ICAM3: variants seen among roughly 807,000 people sequenced by gnomAD.
ICAM3 encodes ICAM-3.
A neutral mutation model predicts 43.6 loss-of-function variants in ICAM3; 54 were observed. The ratio of observed to expected loss-of-function variants is 1.24; its 90% CI spans 0.99 to 1.55. The LOEUF is 1.55. ICAM3 is among the 40% of genes most tolerant of loss of function. ICAM3 has a pLI of 0.00. For synonymous variants in ICAM3, 306 were observed against 312.6 expected, an observed-to-expected ratio of 0.98 and a Z score of 0.22; for missense variants, 715 against 717.9, an observed-to-expected ratio of 1.00 and a Z score of 0.05.
rs1568315878 is a variant in ICAM3 at position 10,334,047 on chromosome 19, T to C, written c.1454A>G (p.His485Arg). 1 of 1,614,006 alleles carries C rather than the reference T, an allele frequency of 6.2e-7. No homozygotes were observed. The highest frequency in any genetic ancestry group is 2.2e-5 in the East Asian group (1 of 44,868). The change falls in exon 7 of 7, where the codon CAC (histidine) becomes CGC (arginine). Residue 485 changes from histidine (H) to arginine (R), a missense_variant. His to Arg is a conservative substitution (Grantham distance 29). Transcript: ENST00000160262. This position sits in a 1 kb window ranked among gnomAD's most constrained non-coding sequence, Gnocchi z 5.5. ...VVMDIEAGSS[H>R]FVPVFVAVLL... is the part of the protein sequence containing the mutation. ...CACCGCCACGAAGACGGGGACAAAG[T>C]GGGAGCTCCCAGCTGTGCAGAGAAA...
chr19:10,339,460 G>A (rs1162846577), intron 1 of ICAM3, 79 bp downstream of exon 1: 22 of 1,210,762 alleles, frequency 1.8e-5, no homozygotes, highest in Admixed American at 3.9e-5. Context: ...TGTGAACAGC[G>A]TTGCGTTCTA....
chr19:10,336,804 CAAAAAAAAAA>C (rs34119863), intron 2 of ICAM3, among the ~76,000 whole-genome samples: 7 of 79,002 alleles, frequency 8.9e-5, no homozygotes, highest in East Asian at 4.4e-4. Flanking sequence ...GACTCTATGT[CAAAAAAAAAA>C]AAAAAAAAAA....
At position 10,335,868 on chromosome 19, in the gene ICAM3, G is replaced by A; in HGVS notation, c.452C>T (p.Thr151Met). 1.2e-6 allele frequency: 2 copies of A among 1,609,048 alleles called. No individual in the cohort carries two copies. Among genetic ancestry groups the A allele is most frequent in the African/African-American group, 1.3e-5 (1 of 75,058 alleles). The stretch of plus-strand genomic sequence containing the variant: ...CTCCTCCCAGCGAAGCAGCACCACC[G>A]TGAGGCTGGTCCGGGGCGACCCATC... ...VEDGSPRTSL[T>M]VVLLRWEEEL... The change falls in exon 3 of 7, where the codon ACG (threonine) becomes ATG (methionine). Residue 151 changes from threonine to methionine, a missense_variant. Transcript: ENST00000160262.
At position 10,338,857 on chromosome 19, in the gene ICAM3, A is replaced by C; in HGVS notation, c.168T>G (p.Asp56Glu). The change falls in exon 2 of 7, where the codon GAT (aspartate) becomes GAG (glutamate). Residue 56 changes from aspartate (D) to glutamate (E), a missense_variant. Transcript: ENST00000160262. ...GGSLFVNCST[D>E]CPSSEKIALE... is the part of the protein sequence containing the mutation. ...AGGCGATTTTCTCAGAGCTGGGACA[A>C]TCAGTACTGCAGTTCACAAACAGGG... The C allele has an allele frequency of 6.2e-7, 1 of 1,614,164 alleles. No individual in the cohort carries two copies. Among genetic ancestry groups the C allele is most frequent in the Non-Finnish European group, 8.5e-7 (1 of 1,180,036 alleles).
In ICAM3 at chr19:10,338,955, G is replaced by T; in HGVS notation, c.77-7C>A. ...AACTCCTGCCCCTGGACACCTTCAG[G>T]AACATGAAGAAGTCCTGGTGTTTGT... On this transcript the variant is annotated splice_polypyrimidine_tract_variant and splice_region_variant and intron_variant, in intron 1 of 6. Coordinates refer to ENST00000160262, the MANE Select transcript of ICAM3 (RefSeq NM_002162.5). The T allele has an allele frequency of 6.2e-7, 1 of 1,612,120 alleles. No individual in the cohort carries two copies. Among genetic ancestry groups the T allele is most frequent in the South Asian group, 1.1e-5 (1 of 91,022 alleles).
Position 10,334,933 on chromosome 19 carries a change from G to C in ICAM3, c.937+133C>G, listed in dbSNP as rs982391711. The C allele has an allele frequency of 6.2e-6, 9 of 1,447,962 alleles. No homozygotes were observed. The highest frequency in any genetic ancestry group is 5.4e-5 in the South Asian group (4 of 74,614). 89.7% of individuals were successfully genotyped at this position (1,447,962 alleles called of 1,614,324 possible). A position where few individuals can be genotyped will look rare whatever the true frequency, so the allele number is the denominator to read the frequency against. On this transcript the variant is annotated intron_variant, in intron 4 of 6. Transcript: ENST00000160262. This position sits in a 1 kb window ranked among gnomAD's most constrained non-coding sequence, Gnocchi z 5.5. ...CTCTTTCCGCGCTGTGTCCAGCTTC[G>C]GGCACTCAGGCCCAACCCACGTTGC...
intron 2 of ICAM3, among the ~76,000 whole-genome samples, chr19:10,338,118 T>C (rs975484934): frequency 6.7e-6 from 1 of 148,298 alleles, no homozygotes; most frequent in African/African-American, 2.5e-5. Context: ...AAAAAGCTTG[T>C]TGGGGCCGGG....
Position 10,334,967 on chromosome 19 carries a change from T to A in ICAM3, c.937+99A>T. The A allele has an allele frequency of 6.7e-7, 1 of 1,500,380 alleles. No individual in the cohort carries two copies. Among genetic ancestry groups the A allele is most frequent in the South Asian group, 1.3e-5 (1 of 78,518 alleles). The allele number at this position is 1,500,380 out of a possible 1,614,324, so 92.9% of individuals were successfully genotyped here. ...GGCCCAACCCACGTTGCAACTGCTA[T>A]TGGGGCAAGCCAGGCCCCACCTTTT... On this transcript the variant is annotated intron_variant, in intron 4 of 6. Transcript: ENST00000160262. The surrounding 1 kb of genome is among the most constrained non-coding windows in gnomAD (Gnocchi z 5.5).
rs1227934256 is a variant in ICAM3 at position 10,335,947 on chromosome 19, G to A, written c.373C>T (p.Leu125=). ...RLPERVELAP[L]PPWQPVGQNF... ...TGGCCCACCGGCTGCCAAGGAGGCA[G>A]GGGTGCCAGCTCCACACGCTCCGGG... The change falls in exon 3 of 7, where the codon CTG becomes TTG. Residue 125 remains leucine (L), a synonymous_variant. Coordinates refer to ENST00000160262, the MANE Select transcript of ICAM3 (RefSeq NM_002162.5). 6.3e-7 allele frequency: 1 copy of A among 1,576,240 alleles called. No homozygotes were observed. Among genetic ancestry groups the A allele is most frequent in the Non-Finnish European group, 8.6e-7 (1 of 1,166,964 alleles).
At chr19:10,335,422 C>A in intron 3 of ICAM3, 69 bp from the exon 4 acceptor site, 2 of 1,398,456 alleles carry the variant, frequency 1.4e-6, no homozygotes, top group African/African-American at 1.4e-5. Flanking sequence ...TCATCCCCCC[C>A]AGTCAGGATA....
Position 10,335,878 on chromosome 19 carries a change from T to C in ICAM3, c.442A>G (p.Thr148Ala). The C allele has an allele frequency of 6.2e-7, 1 of 1,606,544 alleles. No homozygotes were observed. Among genetic ancestry groups the C allele is most frequent in the Non-Finnish European group, 8.5e-7 (1 of 1,178,746 alleles). ...CGAAGCAGCACCACCGTGAGGCTGG[T>C]CCGGGGCGACCCATCCTCCACTTGG... The part of the protein sequence containing the change: ...RCQVEDGSPR[T>A]SLTVVLLRWE... Residue 148 changes from threonine (T) to alanine (A), a missense_variant, in exon 3 of 7, where the codon ACC becomes GCC. By Grantham distance (58) the Thr-to-Ala change is moderately conservative. Transcript: ENST00000160262.
rs755873493 is a variant in ICAM3 at position 10,335,183 on chromosome 19, G to C, written c.820C>G (p.Leu274Val). 2 of 1,613,826 alleles carry C rather than the reference G, an allele frequency of 1.2e-6. No homozygotes were observed. Among genetic ancestry groups the C allele is most frequent in the East Asian group, 4.5e-5 (2 of 44,868 alleles). ...NATVMNHGDT[L>V]TATATATARA... ...GCCGTGGCTGTGGCTGTGGCCGTTA[G>C]CGTGTCCCCGTGGTTCATGACTGTC... The change falls in exon 4 of 7, where the codon CTA becomes GTA. Residue 274 changes from leucine to valine, a missense_variant. Transcript: ENST00000160262.
chr19:10,337,455 A>ACAGTG (rs1336963395), intron 2 of ICAM3, among the ~76,000 whole-genome samples: 1 of 11,402 alleles, frequency 8.8e-5, no homozygotes, highest in Admixed American at 4.1e-4. Context: ...AAAAAAAAGT[A>ACAGTG]GCCAGGCCTG....
Position 10,334,436 on chromosome 19 carries a change from ACC to A in ICAM3, c.1193-30_1193-29del. 6.2e-7 allele frequency: 1 copy of A among 1,612,632 alleles called. No homozygotes were observed. The highest frequency in any genetic ancestry group is 8.5e-7 in the Non-Finnish European group (1 of 1,178,958). The stretch of plus-strand genomic sequence containing the variant: ...GTGGAACCACCATGTGTGATCAGAC[ACC>A]CAACACACCCGAGGCACAGTGGTGC... On this transcript the variant is annotated intron_variant, in intron 5 of 6. Transcript: ENST00000160262. The surrounding 1 kb of genome is among the most constrained non-coding windows in gnomAD (Gnocchi z 5.5).
At position 10,334,266 on chromosome 19, in the gene ICAM3, C is replaced by T. The variant is rs1568316175; in HGVS notation, c.1335G>A (p.Pro445=). ...CLKEGSSREV[P]VGIPFFVNVT... Reference sequence around the variant, plus strand: ...CGTTGACGAAGAACGGGATCCCCACCGGCACCTCCCGGCTGGAGCCTTCCT... The same window carrying T: ...CGTTGACGAAGAACGGGATCCCCACTGGCACCTCCCGGCTGGAGCCTTCCT... Residue 445 remains proline, a synonymous_variant, in exon 6 of 7, where the codon CCG becomes CCA. Transcript: ENST00000160262. This position sits in a 1 kb window ranked among gnomAD's most constrained non-coding sequence, Gnocchi z 5.5. The T allele has an allele frequency of 2.5e-6, 4 of 1,614,164 alleles. No individual in the cohort carries two copies. The highest frequency in any genetic ancestry group is 3.4e-6 in the Non-Finnish European group (4 of 1,180,038).
intron 2 of ICAM3, among the ~76,000 whole-genome samples, chr19:10,337,890 A>G (rs7250656): frequency 0.2 from 30,638 of 151,962 alleles, 3,187 homozygotes; most frequent in South Asian, 0.26. Context: ...GGCCTCCCAA[A>G]GTGTTGGGAT....
At position 10,335,227 on chromosome 19, in the gene ICAM3, C is replaced by G. The variant is rs2040580282; in HGVS notation, c.776G>C (p.Gly259Ala). 6.2e-7 allele frequency: 1 copy of G among 1,613,798 alleles called. No homozygotes were observed. Among genetic ancestry groups the G allele is most frequent in the Non-Finnish European group, 8.5e-7 (1 of 1,180,056 alleles). Residue 259 changes from glycine (G) to alanine (A), a missense_variant, in exon 4 of 7, where the codon GGG becomes GCG. Coordinates refer to ENST00000160262, the MANE Select transcript of ICAM3 (RefSeq NM_002162.5). ...GACTGTCGCATTCAGCATCTGGTCCCCCAGCGCCAGGTAGACCTGGGCCTC... is the reference window on the plus strand; with the variant it reads ...GACTGTCGCATTCAGCATCTGGTCCGCCAGCGCCAGGTAGACCTGGGCCTC... ...ASEAQVYLAL[G>A]DQMLNATVMN... is the part of the protein sequence containing the mutation.
In ICAM3 at chr19:10,333,778, A is replaced by G; in HGVS notation, c.*79T>C. On this transcript the variant is annotated 3_prime_UTR_variant, in exon 7 of 7. Coordinates refer to ENST00000160262, the MANE Select transcript of ICAM3 (RefSeq NM_002162.5). The surrounding 1 kb of genome is among the most constrained non-coding windows in gnomAD (Gnocchi z 4.2). ...CGCGGGTGGAATCAAACCACAGATT[A>G]GGGAGTTTGAAGGCTTTATTGGTGC... 1 of 1,485,646 alleles carries G rather than the reference A, an allele frequency of 6.7e-7. No individual in the cohort carries two copies. Among genetic ancestry groups the G allele is most frequent in the South Asian group, 1.2e-5 (1 of 85,348 alleles). The allele number at this position is 1,485,646 out of a possible 1,614,324, so 92.0% of individuals were successfully genotyped here.
At chr19:10,337,457 C>CTAGGTACAGTGGCT (rs1555713998) in intron 2 of ICAM3, among the ~76,000 whole-genome samples, 1 of 146,804 alleles carries the variant, frequency 6.8e-6, no homozygotes, top group Admixed American at 6.8e-5. Context: ...AAAAAAGTAG[C>CTAGGTACAGTGGCT]CAGGCCTGCA....
Sources: gnomAD v4.1 joint callset for allele counts (sites outside exome capture counted in the v4.1 genomes callset) on GRCh38, gnomAD v4.1.1 for gene constraint, Gnocchi (gnomAD v3.1) non-coding constraint, MANE v1.5 for transcripts, NCBI Gene and HGNC (gene_info 2026-07-23, HGNC 2026-07-21) for gene names.